Variants in PCDH7 observed in about 807,000 individuals in gnomAD.
PCDH7 encodes protocadherin 7, also known as protocadherin-7.
Under a neutral mutation model 58.9 loss-of-function variants are expected in PCDH7, and 17 were observed. The observed-to-expected ratio is 0.29, with a 90% CI of 0.20 to 0.43. The LOEUF (loss-of-function observed/expected upper bound fraction) is 0.43. Ranked by LOEUF, PCDH7 falls within the 20% of genes least tolerant of loss-of-function variation. The pLI, the probability that PCDH7 is intolerant of heterozygous loss-of-function variation, is 1.00. For synonymous variants in PCDH7, 664 were observed against 616.4 expected, an observed-to-expected ratio of 1.08 and a Z score of -1.14; for missense variants, 1,274 against 1,441.0, an observed-to-expected ratio of 0.88 and a Z score of 1.88.
intron 3 of PCDH7, among the ~76,000 whole-genome samples, chr4:31,079,897 A>C (rs1318963155): frequency 6.6e-6 from 1 of 152,152 alleles, no homozygotes; most frequent in Non-Finnish European, 1.5e-5. Context: ...CAGTGGAAGG[A>C]AAAGGAATAA....
At chr4:30,853,563 T>A (rs1007260091) in intron 1 of PCDH7, among the ~76,000 whole-genome samples, 9 of 152,114 alleles carry the variant, frequency 5.9e-5, no homozygotes, top group Non-Finnish European at 1.3e-4. Context: ...TCAAGTTTTA[T>A]ATATTTATTT....
rs529444475 is a variant in PCDH7 at position 30,985,244 on chromosome 4, A to G, written c.*7+35029A>G. Among the ~76,000 whole-genome samples the G allele has an allele frequency of 8.5e-5, 13 of 152,332 alleles. No homozygotes were observed. The East Asian group carries it at 2.5e-3, about 29-fold the overall frequency. ...AGTGCTGGGATTACAGGCATGAGCC[A>G]CCATGCTCGGCCCTTATATTTCATC... is the stretch of plus-strand genomic sequence containing the variant. On this transcript the variant is annotated intron_variant, in intron 3 of 3. Coordinates refer to the PCDH7 transcript ENST00000509759.
chr4:30,950,248 C>T (rs943788264), intron 3 of PCDH7: 12 of 152,538 alleles, frequency 7.9e-5, no homozygotes, highest in Admixed American at 4.6e-4. Context: ...GTGTAGCTGC[C>T]CCTCTTCTGC....
In PCDH7 at chr4:30,724,639, T is replaced by C. The variant is rs987533672; in HGVS notation, c.3174+43T>C. 5.0e-6 allele frequency: 8 copies of C among 1,594,468 alleles called. No individual in the cohort carries two copies. In the African/African-American group the frequency reaches 9.4e-5, roughly 19 times the overall value. The stretch of plus-strand genomic sequence containing the variant: ...TATATTTAAATATCCCAGGGAGGGC[T>C]AATAACTCTGAGACAGATTATCTTC... On this transcript the variant is annotated intron_variant, in intron 1 of 1. Transcript: ENST00000361762.
intron 1 of PCDH7, among the ~76,000 whole-genome samples, chr4:30,802,544 A>G (rs1487775454): frequency 6.6e-6 from 1 of 152,144 alleles, no homozygotes; most frequent in Non-Finnish European, 1.5e-5. Context: ...TCAAAAAGTC[A>G]GATGGACAAA....
intron 1 of PCDH7, among the ~76,000 whole-genome samples, chr4:30,845,504 G>C (rs138067706): frequency 7.9e-4 from 120 of 152,200 alleles, no homozygotes; most frequent in African/African-American, 2.7e-3. Context: ...TTACATTGTG[G>C]TGTGCTTGAA....
At chr4:30,726,772 G>T (rs147243029) in intron 1 of PCDH7, among the ~76,000 whole-genome samples, 1 of 152,036 alleles carries the variant, frequency 6.6e-6, no homozygotes, top group Non-Finnish European at 1.5e-5. Context: ...AATAAAGGCA[G>T]ATGAAACACA....
intron 3 of PCDH7, among the ~76,000 whole-genome samples, chr4:31,005,580 C>T (rs1336044055): frequency 6.6e-6 from 1 of 152,160 alleles, no homozygotes; most frequent in East Asian, 1.9e-4. Flanking sequence ...CGGCATGATA[C>T]GATTTCAAAA....
intron 3 of PCDH7, among the ~76,000 whole-genome samples, chr4:31,010,207 G>A (rs1320460989): frequency 6.6e-6 from 1 of 151,866 alleles, no homozygotes; most frequent in Non-Finnish European, 1.5e-5. Context: ...CACCATATAA[G>A]CATTTTTTCC....
intron 1 of PCDH7, among the ~76,000 whole-genome samples, chr4:30,747,875 T>C (rs1285909320): frequency 1.3e-5 from 2 of 152,174 alleles, no homozygotes; most frequent in South Asian, 4.1e-4. Context: ...CAAAATATTA[T>C]TTGGGTAGAC....
At position 30,721,366 on chromosome 4, in the gene PCDH7, G is replaced by C. The variant is rs1301335322; in HGVS notation, c.-57G>C. 84 of 1,416,380 alleles carry C rather than the reference G, an allele frequency of 5.9e-5. No individual in the cohort carries two copies. Among genetic ancestry groups the C allele is most frequent in the Non-Finnish European group, 7.6e-5 (82 of 1,082,606 alleles). The allele number at this position is 1,416,380 out of a possible 1,614,324, so 87.7% of individuals were successfully genotyped here. On this transcript the variant is annotated 5_prime_UTR_variant, in exon 1 of 2. Coordinates refer to ENST00000361762, the Ensembl canonical transcript of PCDH7. The surrounding 1 kb of genome is among the most constrained non-coding windows in gnomAD (Gnocchi z 6.7). ...AGGGCAGGCGGCCGGCCCCGGAGGA[G>C]GGGGGCGCCGAGGGGGCTGTGGTTA... is the stretch of plus-strand genomic sequence containing the variant.
chr4:30,866,627 T>G (rs986583133), intron 1 of PCDH7, among the ~76,000 whole-genome samples: 1 of 152,058 alleles, frequency 6.6e-6, no homozygotes, highest in African/African-American at 2.4e-5. Flanking sequence ...TACACAGCTT[T>G]GCTCAGCAAT....
At chr4:31,004,527 T>C (rs1352886150) in intron 3 of PCDH7, among the ~76,000 whole-genome samples, 2 of 152,092 alleles carry the variant, frequency 1.3e-5, no homozygotes, top group Non-Finnish European at 1.5e-5. Context: ...CTGGCCGACA[T>C]GGTGAAACCC....
intron 1 of PCDH7, among the ~76,000 whole-genome samples, chr4:30,852,423 A>G (rs1261256705): frequency 2.6e-5 from 4 of 152,078 alleles, no homozygotes. Flanking sequence ...ATGGCTTCAG[A>G]TATGTCAGAG....
At chr4:31,108,357 T>TA (rs1031155781) in intron 3 of PCDH7, among the ~76,000 whole-genome samples, 2 of 53,418 alleles carry the variant, frequency 3.7e-5, no homozygotes, top group Non-Finnish European at 8.3e-5. Flanking sequence ...GACTGTAACA[T>TA]ACAGCATACA....
intron 1 of PCDH7, among the ~76,000 whole-genome samples, chr4:30,817,540 A>G (rs1341528129): frequency 6.6e-6 from 1 of 152,216 alleles, no homozygotes; most frequent in Non-Finnish European, 1.5e-5. Context: ...TAAGAATGAG[A>G]TAAAGTAAAT....
chr4:30,899,398 T>C (rs985859238), intron 1 of PCDH7, among the ~76,000 whole-genome samples: 2 of 152,278 alleles, frequency 1.3e-5, no homozygotes, highest in African/African-American at 4.8e-5. Context: ...TGTTTAATAA[T>C]CATCCCTTGT....
intron 3 of PCDH7, among the ~76,000 whole-genome samples, chr4:31,045,528 G>T (rs1197003709): frequency 6.6e-6 from 1 of 151,972 alleles, no homozygotes; most frequent in South Asian, 2.1e-4. Flanking sequence ...TAAGCAGAAC[G>T]GTAGCTGATA....
chr4:30,725,318 A>G (rs1008857179), intron 1 of PCDH7: 4 of 986,920 alleles, frequency 4.1e-6, no homozygotes, highest in Admixed American at 6.2e-5. Context: ...ACAAAAATAC[A>G]TTGCATGAGC....
Sources: allele counts gnomAD v4.1 joint callset (sites outside exome capture counted in the v4.1 genomes callset), GRCh38; gene constraint gnomAD v4.1.1; non-coding constraint Gnocchi (gnomAD v3.1); transcripts MANE v1.5; gene names NCBI Gene and HGNC (gene_info 2026-07-23, HGNC 2026-07-21).